USH2A: variants seen among roughly 807,000 people sequenced by gnomAD.
USH2A encodes the protein usherin, also known as Usher syndrome 2A (autosomal recessive, mild).
USH2A carries 443 observed loss-of-function variants against 538.9 expected under a neutral mutation model. The ratio of observed to expected loss-of-function variants is 0.82; its 90% CI spans 0.76 to 0.89. The LOEUF (loss-of-function observed/expected upper bound fraction) is 0.89. Ranked by LOEUF, USH2A falls within the 40% of genes least tolerant of loss-of-function variation. USH2A has a pLI of 0.00. For synonymous variants in USH2A, 2,413 were observed against 2,273.5 expected (o/e 1.06, Z -1.75); for missense variants, 6,633 against 6,324.8 (o/e 1.05, Z -1.65).
At chr1:216,056,580 AAAC>A (rs1269828376) in intron 30 of USH2A, among the ~76,000 whole-genome samples, 1 of 152,198 alleles carries the variant, frequency 6.6e-6, no homozygotes, top group Non-Finnish European at 1.5e-5. Context: ...TGGTAATTAA[AAAC>A]AATAATAGCA....
chr1:216,078,644 G>A (rs1326761601), intron 26 of USH2A, among the ~76,000 whole-genome samples: 1 of 152,078 alleles, frequency 6.6e-6, no homozygotes. Flanking sequence ...GTTTACTTTT[G>A]CTGCAACATA....
intron 36 of USH2A, among the ~76,000 whole-genome samples, chr1:215,969,603 A>C (rs1173928021): frequency 1.3e-5 from 2 of 149,004 alleles, no homozygotes; most frequent in Non-Finnish European, 3.0e-5. Context: ...TCCTGCATTT[A>C]AGGGTAAGTA....
At chr1:216,405,783 C>A (rs1235557669) in intron 3 of USH2A, among the ~76,000 whole-genome samples, 1 of 152,184 alleles carries the variant, frequency 6.6e-6, no homozygotes, top group East Asian at 1.9e-4. Context: ...ACCTAGATGT[C>A]CTTCAATGGG....
intron 31 of USH2A, among the ~76,000 whole-genome samples, chr1:216,047,877 T>G (rs2030591050): frequency 6.6e-6 from 1 of 152,210 alleles, no homozygotes; most frequent in Non-Finnish European, 1.5e-5. Context: ...AAGTGATGCA[T>G]TCTGATGCTT....
intron 32 of USH2A, among the ~76,000 whole-genome samples, chr1:216,033,159 A>G (rs1342348718): frequency 6.6e-6 from 1 of 152,198 alleles, no homozygotes; most frequent in African/African-American, 2.4e-5. Flanking sequence ...CTGAATCTGC[A>G]TCTGCCTGCA....
intron 40 of USH2A, among the ~76,000 whole-genome samples, chr1:215,889,310 T>C (rs533670204): frequency 3.0e-4 from 46 of 152,318 alleles, no homozygotes; most frequent in Non-Finnish European, 6.0e-4. Flanking sequence ...ATCAAAATCA[T>C]GTCTTTTTAT....
intron 32 of USH2A, among the ~76,000 whole-genome samples, chr1:216,015,576 CTT>C (rs1668689022): frequency 1.3e-5 from 2 of 152,196 alleles, no homozygotes; most frequent in Non-Finnish European, 2.9e-5. Flanking sequence ...GTTGAAATCA[CTT>C]TGAGGAATCG....
chr1:215,777,381 C>G (rs1399816166), intron 55 of USH2A, among the ~76,000 whole-genome samples: 1 of 152,168 alleles, frequency 6.6e-6, no homozygotes, highest in Non-Finnish European at 1.5e-5. Context: ...TGTATAAATG[C>G]TGATTTCTAA....
intron 35 of USH2A, among the ~76,000 whole-genome samples, chr1:215,976,500 G>T (rs1433308324): frequency 2.6e-5 from 4 of 152,074 alleles, no homozygotes; most frequent in Non-Finnish European, 4.4e-5. Flanking sequence ...TGCCTACTTT[G>T]TTGAGGGCTT....
chr1:216,309,189 C>T (rs573613398), intron 9 of USH2A, among the ~76,000 whole-genome samples: 21 of 152,236 alleles, frequency 1.4e-4, no homozygotes, highest in African/African-American at 4.8e-4. Context: ...GCTCCCATTA[C>T]AAAATAACAC....
intron 15 of USH2A, among the ~76,000 whole-genome samples, chr1:216,214,900 T>C (rs1452880552): frequency 6.6e-6 from 1 of 151,996 alleles, no homozygotes; most frequent in Non-Finnish European, 1.5e-5. Context: ...TCATAGATGG[T>C]TGAACTAACT....
At chr1:216,078,511 T>C in intron 26 of USH2A, 149 bp from the exon 27 acceptor site, 1 of 740,986 alleles carries the variant, frequency 1.3e-6, no homozygotes, top group Non-Finnish European at 2.3e-6. Context: ...CCTAAGTTTC[T>C]GCTTAGGAAC....
rs750554151 is a variant in USH2A, at chr1:216,196,536, G to T, written c.4251+17C>A. The T allele has an allele frequency of 1.2e-6, 2 of 1,612,986 alleles. No individual in the cohort carries two copies. Among genetic ancestry groups the T allele is most frequent in the Admixed American group, 1.7e-5 (1 of 59,982 alleles). Reference sequence around the variant, plus strand: ...CTAAGCCAATTCTGAAAGGACATTAGTTAAAAATAACAATACCTGTGAAAA... The same window carrying T: ...CTAAGCCAATTCTGAAAGGACATTATTTAAAAATAACAATACCTGTGAAAA... On this transcript the variant is annotated intron_variant, in intron 19 of 71. Transcript: ENST00000307340.
chr1:216,235,500 T>A (rs1171351460), intron 13 of USH2A, among the ~76,000 whole-genome samples: 2 of 152,166 alleles, frequency 1.3e-5, no homozygotes, highest in South Asian at 4.1e-4. Context: ...AAATCTCAAG[T>A]GGAAAAAAAT....
intron 11 of USH2A, among the ~76,000 whole-genome samples, chr1:216,268,114 G>A (rs1024143081): frequency 6.6e-6 from 1 of 152,080 alleles, no homozygotes; most frequent in Admixed American, 6.6e-5. Context: ...AAGTGACTTA[G>A]CCTGAATTAA....
chr1:215,722,885 T>C (rs1659703819), intron 61 of USH2A, among the ~76,000 whole-genome samples: 1 of 152,162 alleles, frequency 6.6e-6, no homozygotes. Context: ...AAATCCCAAA[T>C]TATCAGATTT....
rs1007682122 is a variant in USH2A, at chr1:216,052,387, A to C, written c.6050-3740T>G. Among the ~76,000 whole-genome samples, 15 of 152,022 alleles carry C rather than the reference A, an allele frequency of 9.9e-5. 1 individual carries two copies. Among genetic ancestry groups the C allele is most frequent in the African/African-American group, 3.6e-4 (15 of 41,554 alleles). On this transcript the variant is annotated intron_variant, in intron 30 of 71. Coordinates refer to ENST00000307340, the MANE Select transcript of USH2A (RefSeq NM_206933.4). Reference sequence around the variant, plus strand: ...GGAAAAAAAAAAAAAAAGAAAGAAAAAGAAGAAAGCTGATGTTTTGGTTCT... The same window carrying C: ...GGAAAAAAAAAAAAAAAGAAAGAAACAGAAGAAAGCTGATGTTTTGGTTCT...
intron 11 of USH2A, among the ~76,000 whole-genome samples, chr1:216,288,866 C>G (rs970403653): frequency 5.3e-5 from 8 of 152,180 alleles, no homozygotes; most frequent in African/African-American, 1.7e-4. Flanking sequence ...AATTGAGAAG[C>G]GAGGCTATCA....
chr1:215,739,214 T>C (rs771284032), intron 60 of USH2A, among the ~76,000 whole-genome samples: 13 of 152,282 alleles, frequency 8.5e-5, no homozygotes, highest in Non-Finnish European at 1.6e-4. Context: ...TTGTGTCACA[T>C]TGGAGGAAGG....
Sources: gnomAD v4.1 joint callset for allele counts (sites outside exome capture counted in the v4.1 genomes callset) on GRCh38, gnomAD v4.1.1 for gene constraint, MANE v1.5 for transcripts, NCBI Gene and HGNC (gene_info 2026-07-23, HGNC 2026-07-21) for gene names.